The following MTFR1 variants were observed in gnomAD, a reference collection of about 807,000 sequenced individuals.
MTFR1 encodes the protein chondrocyte protein with a poly-proline region.
In MTFR1, 28 loss-of-function variants were observed where a neutral mutation model predicts 38.8. The observed-to-expected ratio is 0.72, with a 90% CI of 0.53 to 0.99. The LOEUF is 0.99. MTFR1 is among the 50% of genes least tolerant of loss of function. The pLI, the probability that MTFR1 is intolerant of heterozygous loss-of-function variation, is 0.00. For missense variants in MTFR1, 358 were observed against 395.5 expected (o/e 0.91, Z 0.81); for synonymous variants, 145 against 137.0 (o/e 1.06, Z -0.41).
intron 1 of MTFR1, among the ~76,000 whole-genome samples, chr8:65,656,154 T>A (rs1809264253): frequency 1.3e-5 from 2 of 149,704 alleles, no homozygotes; most frequent in South Asian, 4.2e-4. Context: ...CGAGATCACA[T>A]CATTTTTCTC....
At chr8:65,774,860 A>T (rs1423765305), downstream of MTFR1, among the ~76,000 whole-genome samples, 2 of 152,210 alleles carry the variant, frequency 1.3e-5, no homozygotes, top group African/African-American at 4.8e-5. Flanking sequence ...ATTTACTGAG[A>T]CATCACACAT....
chr8:65,720,524 A>G (rs1246621584), intron 3 of MTFR1: 1 of 154,194 alleles, frequency 6.5e-6, no homozygotes, highest in Non-Finnish European at 1.5e-5. Context: ...GGAAAGTTAT[A>G]TATGGTCTGA....
chr8:65,704,898 G>C lies in MTFR1; in HGVS notation c.486G>C (p.Val162=), dbSNP rs747620280. The change falls in exon 5 of 8, where the codon GTG becomes GTC. Residue 162 remains valine (V), a synonymous_variant. Coordinates refer to ENST00000262146, the MANE Select transcript of MTFR1 (RefSeq NM_014637.4). ...AALRAQIAKI[V]TQQEQQNLTA... Reference sequence around the variant, plus strand: ...TCAGAGCTCAGATTGCCAAAATTGTGACCCAGCAGGAGCAGCAAAATCTCA... The same window carrying C: ...TCAGAGCTCAGATTGCCAAAATTGTCACCCAGCAGGAGCAGCAAAATCTCA... 6.2e-7 allele frequency: 1 copy of C among 1,602,536 alleles called. No individual in the cohort carries two copies. Among genetic ancestry groups the C allele is most frequent in the South Asian group, 1.1e-5 (1 of 89,770 alleles).
At chr8:65,755,337 A>C (rs1808176749) in intron 3 of MTFR1, among the ~76,000 whole-genome samples, 1 of 152,034 alleles carries the variant, frequency 6.6e-6, no homozygotes, top group Non-Finnish European at 1.5e-5. Flanking sequence ...TGCCTTTTTA[A>C]AATTTAGGTT....
intron 3 of MTFR1, among the ~76,000 whole-genome samples, chr8:65,729,712 A>ACCAC (rs1203728217): frequency 6.8e-6 from 1 of 146,994 alleles, no homozygotes; most frequent in Non-Finnish European, 1.5e-5. Flanking sequence ...ATAGGCGCCT[A>ACCAC]CCACCATGCC....
chr8:65,713,908 G>A (rs144179957), downstream of MTFR1, among the ~76,000 whole-genome samples: 24 of 151,898 alleles, frequency 1.6e-4, no homozygotes, highest in East Asian at 4.3e-3. Flanking sequence ...GGTTGGTCTC[G>A]AACTCCTGAC....
intron 2 of MTFR1, among the ~76,000 whole-genome samples, chr8:65,674,741 G>A (rs1804663742): frequency 6.6e-6 from 1 of 152,128 alleles, no homozygotes; most frequent in African/African-American, 2.4e-5. Flanking sequence ...TAATATTACT[G>A]TAATAGCCAT....
chr8:65,716,143 T>C (rs1234812465), intron 2 of MTFR1, among the ~76,000 whole-genome samples: 1 of 142,256 alleles, frequency 7.0e-6, no homozygotes, highest in Non-Finnish European at 1.5e-5. Context: ...AGCGAGACCC[T>C]GTCTCAAAAA....
chr8:65,723,456 A>G, intron 3 of MTFR1: 7 of 1,208,264 alleles, frequency 5.8e-6, no homozygotes, highest in Non-Finnish European at 7.6e-6. Context: ...CATAATTTTA[A>G]TATTTTATAT....
chr8:65,708,221 TGAAAA>T, intron 7 of MTFR1: 1 of 1,008,286 alleles, frequency 9.9e-7, no homozygotes, highest in Non-Finnish European at 1.4e-6. Flanking sequence ...TTTCTAACTA[TGAAAA>T]TAATAGTTGT....
At chr8:65,755,193 A>C (rs1315081573) in intron 3 of MTFR1, among the ~76,000 whole-genome samples, 1 of 151,024 alleles carries the variant, frequency 6.6e-6, no homozygotes, top group East Asian at 2.0e-4. Context: ...GCTAATTTTT[A>C]TATCTTTAGT....
rs73690900 is a variant in MTFR1 at position 65,742,605 on chromosome 8, C to A, written c.*48+23124C>A. On this transcript the variant is annotated intron_variant, in intron 3 of 3. Coordinates refer to the MTFR1 transcript ENST00000521247. Reference sequence around the variant, plus strand: ...GAAGGGAAAACTATACACTTGGATACCATGAATGTATGTTATCCAGAATTC... The same window carrying A: ...GAAGGGAAAACTATACACTTGGATAACATGAATGTATGTTATCCAGAATTC... Among the ~76,000 whole-genome samples the A allele has an allele frequency of 7.5e-3, 1,140 of 152,236 alleles. 6 individuals are homozygous for A. The highest frequency in any genetic ancestry group is 0.025 in the African/African-American group (1,030 of 41,520).
At chr8:65,650,159 G>T (rs2129047045) in intron 1 of MTFR1, among the ~76,000 whole-genome samples, 1 of 150,890 alleles carries the variant, frequency 6.6e-6, no homozygotes, top group South Asian at 2.1e-4. Flanking sequence ...ATTTTTAGTA[G>T]AGACAGGGCT....
At chr8:65,706,934 C>T in intron 5 of MTFR1, 76 bp from the exon 6 acceptor site, 2 of 1,480,340 alleles carry the variant, frequency 1.4e-6, no homozygotes, top group Middle Eastern at 1.9e-4. Context: ...TCTTTAACAT[C>T]ATTTTGCTTT....
intron 5 of MTFR1, 62 bp downstream of exon 5, chr8:65,704,991 TA>T: frequency 2.2e-6 from 3 of 1,363,408 alleles, no homozygotes; most frequent in Non-Finnish European, 3.1e-6. Flanking sequence ...GAATGCTACT[TA>T]CTTTAAAATC....
chr8:65,712,139 TGAAA>T (rs1196304255), downstream of MTFR1, among the ~76,000 whole-genome samples: 5 of 152,102 alleles, frequency 3.3e-5, no homozygotes, highest in South Asian at 2.1e-4. Flanking sequence ...TATCGAAAGG[TGAAA>T]GAAAGCGTAT....
At chr8:65,686,635 G>GAA (rs1805086789) in intron 3 of MTFR1, among the ~76,000 whole-genome samples, 1 of 143,896 alleles carries the variant, frequency 6.9e-6, no homozygotes, top group African/African-American at 2.6e-5. Flanking sequence ...GACTAACTGA[G>GAA]TATGGCTGGG....
chr8:65,746,363 C>T (rs1390273811), intron 3 of MTFR1, among the ~76,000 whole-genome samples: 1 of 152,144 alleles, frequency 6.6e-6, no homozygotes, highest in Non-Finnish European at 1.5e-5. Context: ...AGGCATCTGA[C>T]ACTGATACCA....
chr8:65,772,769 C>G (rs1809143895), downstream of MTFR1, among the ~76,000 whole-genome samples: 1 of 152,010 alleles, frequency 6.6e-6, no homozygotes, highest in African/African-American at 2.4e-5. Flanking sequence ...TTTGGGAGGC[C>G]AAGGCAGGCA....
Sources: gnomAD v4.1 joint callset for allele counts (sites outside exome capture counted in the v4.1 genomes callset) on GRCh38, gnomAD v4.1.1 for gene constraint, MANE v1.5 for transcripts, NCBI Gene and HGNC (gene_info 2026-07-23, HGNC 2026-07-21) for gene names.